Variants in NBEA observed in about 807,000 individuals in gnomAD.
NBEA encodes the protein neurobeachin.
In NBEA, 44 loss-of-function variants were observed where a neutral mutation model predicts 343.4. The ratio of observed to expected loss-of-function variants is 0.13; its 90% CI spans 0.10 to 0.16. The LOEUF (loss-of-function observed/expected upper bound fraction) is 0.16, where lower values mean the gene tolerates loss of function less well. Among genes scored for constraint, NBEA ranks in the 10% least tolerant of loss-of-function variants. The probability of loss-of-function intolerance (pLI) is 1.00; values close to 1 mark genes in which losing one functional copy is unlikely to be tolerated. For missense variants in NBEA, 2,555 were observed against 3,631.3 expected, an observed-to-expected ratio of 0.70 and a Z score of 7.62; for synonymous variants, 1,175 against 1,238.7, an observed-to-expected ratio of 0.95 and a Z score of 1.08.
intron 34 of NBEA, among the ~76,000 whole-genome samples, chr13:35,264,697 GT>G (rs1376607693): frequency 6.6e-6 from 1 of 151,786 alleles, no homozygotes; most frequent in East Asian, 1.9e-4. Flanking sequence ...CAAATTCATT[GT>G]TTTTGCATGA....
intron 56 of NBEA, 83 bp from the exon 57 acceptor site, chr13:35,667,291 C>T: frequency 8.5e-7 from 1 of 1,177,846 alleles, no homozygotes; most frequent in African/African-American, 1.5e-5. Flanking sequence ...AGCGCACACC[C>T]AGCAAGGTTT....
rs780250042 is a variant in NBEA at position 35,667,506 on chromosome 13, G to A, written c.8597G>A (p.Arg2866Gln). ...GHCIIYYERG[R>Q]FSNFSINGKL... ...TGTATCATATACTATGAACGAGGGC[G>A]ATTCAGTAATTTCAGCATTAATGGG... Residue 2866 changes from arginine to glutamine, a missense_variant, in exon 57 of 59, where the codon CGA (arginine) becomes CAA (glutamine). Arg to Gln is a conservative substitution (Grantham distance 43). Coordinates refer to ENST00000379939, the MANE Select transcript of NBEA (RefSeq NM_001385012.1). 5.6e-6 allele frequency: 9 copies of A among 1,613,934 alleles called. No homozygotes were observed. The highest frequency in any genetic ancestry group is 1.1e-5 in the South Asian group (1 of 91,082).
intron 35 of NBEA, among the ~76,000 whole-genome samples, chr13:35,305,976 A>G (rs1207778894): frequency 6.6e-6 from 1 of 152,198 alleles, no homozygotes; most frequent in Non-Finnish European, 1.5e-5. Context: ...AAACTCTCAT[A>G]TTGAAAAATT....
intron 49 of NBEA, among the ~76,000 whole-genome samples, chr13:35,641,896 A>G (rs1011864797): frequency 3.9e-5 from 6 of 152,196 alleles, no homozygotes; most frequent in African/African-American, 1.4e-4. Flanking sequence ...ATACACTTTT[A>G]TCTTAAACCT....
chr13:34,967,448 T>C (rs1430299262), intron 1 of NBEA, among the ~76,000 whole-genome samples: 1 of 152,026 alleles, frequency 6.6e-6, no homozygotes, highest in Admixed American at 6.6e-5. Flanking sequence ...TTGGAATAGA[T>C]GTTTTATTAA....
intron 39 of NBEA, among the ~76,000 whole-genome samples, chr13:35,439,343 G>A (rs1408005073): frequency 1.4e-4 from 21 of 152,226 alleles, no homozygotes; most frequent in Admixed American, 1.0e-3. Flanking sequence ...GGGAGAGACA[G>A]TGACTTACTG....
At chr13:35,556,037 C>T (rs767116649) in intron 44 of NBEA, among the ~76,000 whole-genome samples, 43 of 151,780 alleles carry the variant, frequency 2.8e-4, no homozygotes, top group Admixed American at 9.2e-4. Flanking sequence ...CTTGATTTGT[C>T]CACAAAAGGG....
At chr13:35,174,305 T>C (rs1183298680) in intron 27 of NBEA, among the ~76,000 whole-genome samples, 1 of 152,158 alleles carries the variant, frequency 6.6e-6, no homozygotes, top group African/African-American at 2.4e-5. Context: ...ATGCTACATT[T>C]TCTCAGGAAA....
intron 1 of NBEA, among the ~76,000 whole-genome samples, chr13:35,014,850 G>A (rs1024017810): frequency 3.3e-5 from 5 of 152,056 alleles, no homozygotes; most frequent in Non-Finnish European, 4.4e-5. Flanking sequence ...CCAGCACTGG[G>A]AGAGGTTGAA....
In NBEA at chr13:35,151,284, C is replaced by G. The variant is rs1402421120; in HGVS notation, c.2446-4490C>G. Among the ~76,000 whole-genome samples, 2 of 149,760 alleles carry G rather than the reference C, an allele frequency of 1.3e-5. 1 individual carries two copies. The highest frequency in any genetic ancestry group is 6.8e-3 in the Middle Eastern group (2 of 294). ...ACAGGCCGGGCTCGGTGGCTCACGC[C>G]TATAATCCCAGCACTTTGGGAGGCC... On this transcript the variant is annotated intron_variant, in intron 18 of 58. Coordinates refer to ENST00000379939, the MANE Select transcript of NBEA (RefSeq NM_001385012.1).
chr13:35,608,298 C>T (rs944980397), intron 48 of NBEA, among the ~76,000 whole-genome samples: 1 of 152,072 alleles, frequency 6.6e-6, no homozygotes, highest in Non-Finnish European at 1.5e-5. Context: ...TTATTTCATA[C>T]TATTCCCTTG....
intron 39 of NBEA, among the ~76,000 whole-genome samples, chr13:35,441,064 T>C (rs1293243214): frequency 6.6e-6 from 1 of 152,234 alleles, no homozygotes; most frequent in South Asian, 2.1e-4. Flanking sequence ...CCATCACTTA[T>C]GTATTTCATT....
intron 34 of NBEA, among the ~76,000 whole-genome samples, chr13:35,289,025 C>T (rs559656024): frequency 6.6e-6 from 1 of 152,050 alleles, no homozygotes; most frequent in South Asian, 2.1e-4. Context: ...TACCTTTTTA[C>T]AGCTTGTTCT....
intron 36 of NBEA, among the ~76,000 whole-genome samples, chr13:35,332,393 A>G (rs2152849372): frequency 6.6e-6 from 1 of 152,212 alleles, no homozygotes; most frequent in South Asian, 2.1e-4. Flanking sequence ...AGGGTTGTTC[A>G]AGGATATAGA....
chr13:35,095,681 A>G (rs2065297296), intron 10 of NBEA, among the ~76,000 whole-genome samples: 1 of 151,956 alleles, frequency 6.6e-6, no homozygotes, highest in African/African-American at 2.4e-5. Flanking sequence ...TAGAATTGCT[A>G]CTTACAGAAC....
At chr13:34,984,274 G>A (rs922418961) in intron 1 of NBEA, among the ~76,000 whole-genome samples, 4 of 151,482 alleles carry the variant, frequency 2.6e-5, no homozygotes, top group African/African-American at 9.7e-5. Flanking sequence ...TTATTAAATA[G>A]GGAATCCTTT....
chr13:35,525,653 G>A (rs1458275140), intron 41 of NBEA, among the ~76,000 whole-genome samples: 1 of 152,128 alleles, frequency 6.6e-6, no homozygotes, highest in East Asian at 1.9e-4. Context: ...GGAACTCTGA[G>A]GCAGGATACT....
In NBEA at chr13:35,098,290, C is replaced by T. The variant is rs1477431759; in HGVS notation, c.1572-7C>T. 1 of 1,548,606 alleles carries T rather than the reference C, an allele frequency of 6.5e-7. No homozygotes were observed. Among genetic ancestry groups the T allele is most frequent in the South Asian group, 1.2e-5 (1 of 84,700 alleles). Reference sequence around the variant, plus strand: ...ATTACATAATGATGTCTGTACTTTACATGCAGTGCTACTCTGTTGGCATTC... The same window carrying T: ...ATTACATAATGATGTCTGTACTTTATATGCAGTGCTACTCTGTTGGCATTC... On this transcript the variant is annotated splice_polypyrimidine_tract_variant and splice_region_variant and intron_variant, in intron 10 of 58. Coordinates refer to ENST00000379939, the MANE Select transcript of NBEA (RefSeq NM_001385012.1).
intron 35 of NBEA, among the ~76,000 whole-genome samples, chr13:35,293,369 AT>A (rs1372710852): frequency 1.3e-5 from 2 of 151,816 alleles, no homozygotes; most frequent in East Asian, 1.9e-4. Context: ...TGTATTCTGG[AT>A]TTTTTTCTGA....
Sources: allele counts gnomAD v4.1 joint callset (sites outside exome capture counted in the v4.1 genomes callset), GRCh38; gene constraint gnomAD v4.1.1; transcripts MANE v1.5; gene names NCBI Gene and HGNC (gene_info 2026-07-23, HGNC 2026-07-21).